Variants in BEAN1 observed in about 807,000 individuals in gnomAD.
BEAN1 encodes protein BEAN1.
In BEAN1, 17 loss-of-function variants were observed where a neutral mutation model predicts 17.7. That is an observed-to-expected ratio of 0.96 (90% CI 0.66 to 1.44). BEAN1 has a LOEUF of 1.44. Ranked by LOEUF, BEAN1 falls within the 40% of genes most tolerant of loss-of-function variation. The pLI, the probability that BEAN1 is intolerant of heterozygous loss-of-function variation, is 0.00. For missense variants in BEAN1, 359 were observed against 374.1 expected (o/e 0.96, Z 0.33); for synonymous variants, 142 against 151.8 (o/e 0.94, Z 0.47).
At chr16:66,455,385 A>T (rs1047847220) in intron 2 of BEAN1, among the ~76,000 whole-genome samples, 2 of 152,214 alleles carry the variant, frequency 1.3e-5, no homozygotes, top group Non-Finnish European at 2.9e-5. Flanking sequence ...CACAGAGGGA[A>T]TTTGTAAATT....
chr16:66,437,896 G>GA (rs1962093649), intron 2 of BEAN1, 195 bp downstream of exon 2: 1 of 731,432 alleles, frequency 1.4e-6, no homozygotes, highest in East Asian at 2.7e-5. Context: ...CCTGAGAACT[G>GA]AAAATCGCAC....
At chr16:66,475,167 C>G (rs561920046) in intron 3 of BEAN1, among the ~76,000 whole-genome samples, 1 of 152,248 alleles carries the variant, frequency 6.6e-6, no homozygotes, top group East Asian at 1.9e-4. Flanking sequence ...ACAGGGAAGT[C>G]AGGAGAGAAG....
At chr16:66,493,100 G>A in exon 5 of BEAN1, 1 of 703,026 alleles carries the variant, frequency 1.4e-6, no homozygotes, top group Admixed American at 2.0e-5. Context: ...CAAAGAGAAT[G>A]TCAAGCAGAT....
rs1299024970 is a variant in BEAN1, at chr16:66,471,194, T to G, written c.289+1329T>G. On this transcript the variant is annotated intron_variant, in intron 3 of 4. Transcript: ENST00000536005. The surrounding 1 kb of genome is among the most constrained non-coding windows in gnomAD (Gnocchi z 4.7). ...CCCTGATTAGCCAGGTTTGGGGTAT[T>G]TCCTGTCCTTTTTCAGAGTTAACTG... Among the ~76,000 whole-genome samples, 2 of 152,256 alleles carry G rather than the reference T, an allele frequency of 1.3e-5. No individual in the cohort carries two copies. Among genetic ancestry groups the G allele is most frequent in the Non-Finnish European group, 2.9e-5 (2 of 68,048 alleles).
In BEAN1 at chr16:66,461,569, GACACACACACACACACACAC is replaced by G. The variant is rs34246549; in HGVS notation, c.26-8007_26-7988del. On this transcript the variant is annotated intron_variant, in intron 2 of 4. Coordinates refer to ENST00000536005, the MANE Select transcript of BEAN1 (RefSeq NM_001178020.3). ...GTGCTGTGCAGGGCAGGCAGGCGCA[GACACACACACACACACACAC>G]ACACACACACACACACACACACACA... is the stretch of plus-strand genomic sequence containing the variant. 5.7e-5 allele frequency among the ~76,000 whole-genome samples: 8 copies of G among 140,938 alleles called. No individual in the cohort carries two copies. In the East Asian group the frequency reaches 6.4e-4, roughly 11 times the overall value. The allele number at this position is 140,938 out of a possible 152,430, so 92.5% of individuals were successfully genotyped here.
In BEAN1 at chr16:66,477,602, G is replaced by A. The variant is rs534120028; in HGVS notation, c.332G>A (p.Arg111His). 81 of 1,550,412 alleles carry A rather than the reference G, an allele frequency of 5.2e-5. No individual in the cohort carries two copies. Among genetic ancestry groups the A allele is most frequent in the Middle Eastern group, 1.7e-4 (1 of 6,014 alleles). Residue 111 changes from arginine to histidine, a missense_variant, in exon 4 of 5, where the codon CGC (arginine) becomes CAC (histidine). Coordinates refer to ENST00000536005, the MANE Select transcript of BEAN1 (RefSeq NM_001178020.3). ...TACAGCCGCTCAAGCCGCAGGATGC[G>A]CTATGCCTGCAGCTCCTCAGAGGAC... ...HTYSRSSRRM[R>H]YACSSSEDWP...
chr16:66,470,766 G>C (rs1963454064), intron 3 of BEAN1, among the ~76,000 whole-genome samples: 1 of 152,218 alleles, frequency 6.6e-6, no homozygotes, highest in Admixed American at 6.5e-5. Context: ...CCACCTGACT[G>C]TGTCACTCCT....
At chr16:66,484,467 G>C (rs1964056727), downstream of BEAN1, 1 of 389,638 alleles carries the variant, frequency 2.6e-6, no homozygotes, top group Non-Finnish European at 5.1e-6. This position sits in a 1 kb window ranked among gnomAD's most constrained non-coding sequence, Gnocchi z 4.2. Flanking sequence ...CACATTCAAG[G>C]TCCTTTGCAC....
intron 2 of BEAN1, among the ~76,000 whole-genome samples, chr16:66,461,569 G>GACACACACACACACACACAC (rs34246549): frequency 7.1e-5 from 10 of 140,836 alleles, no homozygotes; most frequent in Non-Finnish European, 1.6e-5. Context: ...GGCAGGCGCA[G>GACACACACACACACACACAC]ACACACACAC....
chr16:66,440,472 G>A (rs1962213906), intron 2 of BEAN1, among the ~76,000 whole-genome samples: 1 of 152,030 alleles, frequency 6.6e-6, no homozygotes, highest in African/African-American at 2.4e-5. Flanking sequence ...TCCTGCTTTG[G>A]GTTCCCTGAC....
downstream of BEAN1, among the ~76,000 whole-genome samples, chr16:66,494,749 C>T (rs555230120): frequency 3.9e-5 from 6 of 152,352 alleles, no homozygotes; most frequent in South Asian, 1.2e-3. Context: ...GCCTGCTCTC[C>T]ATCCAGGAGC....
chr16:66,467,779 C>T (rs1963308313), intron 2 of BEAN1, among the ~76,000 whole-genome samples: 1 of 152,222 alleles, frequency 6.6e-6, no homozygotes, highest in Non-Finnish European at 1.5e-5. Flanking sequence ...AAAGGCTTGG[C>T]TCTCAAGAGT....
chr16:66,469,570 T>G (rs1353264609), intron 2 of BEAN1, 32 bp from the exon 3 acceptor site: 1 of 1,522,700 alleles, frequency 6.6e-7, no homozygotes, highest in Non-Finnish European at 8.8e-7. Context: ...AGGCCTGGGC[T>G]CCAGCTCAGT....
chr16:66,487,442 G>A (rs1409071161), downstream of BEAN1, among the ~76,000 whole-genome samples: 1 of 152,136 alleles, frequency 6.6e-6, no homozygotes, highest in Non-Finnish European at 1.5e-5. Flanking sequence ...AGCCCAGGAG[G>A]GTTTATGGGG....
downstream of BEAN1, chr16:66,485,410 G>C (rs1393486781): frequency 9.0e-6 from 3 of 334,408 alleles, no homozygotes; most frequent in Non-Finnish European, 1.2e-5. Flanking sequence ...ATGCCCACCT[G>C]CATGTCCAGG....
rs151119116 is a variant in BEAN1, at chr16:66,436,829, T to C, written c.-82-766T>C. On this transcript the variant is annotated intron_variant, in intron 1 of 4. Transcript: ENST00000536005. The stretch of plus-strand genomic sequence containing the variant: ...CTCACTGCTCTAGACATCCACTTGT[T>C]CATCAGGTTCATACTGGGGGGCGGG... Among the ~76,000 whole-genome samples, 146 of 152,304 alleles carry C rather than the reference T, an allele frequency of 9.6e-4. 2 individuals carry two copies. In the East Asian group the frequency reaches 0.018, roughly 19 times the overall value.
chr16:66,431,672 G>A (rs1259278076), intron 1 of BEAN1, among the ~76,000 whole-genome samples: 1 of 151,202 alleles, frequency 6.6e-6, no homozygotes. Context: ...AAACTATTGT[G>A]TGTGTGTGTT....
rs189628750 is a variant in BEAN1 at position 66,493,047 on chromosome 16, C to A, written c.233C>A (p.Thr78Lys). ...GCCATCCTGGGCAGGCTGGGCTACA[C>A]GGCCACCTTGGAGTCTGAGTTCTCA... The change falls in exon 5 of 5, where the codon ACG becomes AAG. Residue 78 changes from threonine (T) to lysine (K), a missense_variant. By Grantham distance (78) the Thr-to-Lys change is moderately conservative (BLOSUM62 -1). Transcript: ENST00000561796. The A allele has an allele frequency of 1.6e-4, 109 of 702,960 alleles. No individual in the cohort carries two copies. The East Asian group carries it at 2.9e-3, about 19-fold the overall frequency. The allele number at this position is 702,960 out of a possible 1,614,324, so 43.5% of individuals were successfully genotyped here.
intron 3 of BEAN1, chr16:66,476,487 C>T (rs1018038152): frequency 2.0e-5 from 3 of 152,372 alleles, no homozygotes; most frequent in Non-Finnish European, 4.4e-5. Flanking sequence ...TAGCTCCGCC[C>T]CTGATGCCAA....
Sources: gnomAD v4.1 joint callset for allele counts (sites outside exome capture counted in the v4.1 genomes callset) on GRCh38, gnomAD v4.1.1 for gene constraint, Gnocchi (gnomAD v3.1) non-coding constraint, MANE v1.5 for transcripts, NCBI Gene and HGNC (gene_info 2026-07-23, HGNC 2026-07-21) for gene names.